Variants in SLC23A2 observed in about 807,000 individuals in gnomAD.
SLC23A2 encodes solute carrier family 23 member 2, also known as Na(+)/L-ascorbic acid transporter 2.
A neutral mutation model predicts 73.3 loss-of-function variants in SLC23A2; 36 were observed. The ratio of observed to expected loss-of-function variants is 0.49; its 90% CI spans 0.38 to 0.65. The LOEUF (loss-of-function observed/expected upper bound fraction) is 0.65. SLC23A2 is among the 30% of genes least tolerant of loss of function. The pLI is 0.00. For synonymous variants in SLC23A2, 343 were observed against 327.3 expected (o/e 1.05, Z -0.52); for missense variants, 507 against 841.6 (o/e 0.60, Z 4.92).
chr20:4,900,238 T>C (rs1931696209), intron 5 of SLC23A2, among the ~76,000 whole-genome samples: 2 of 152,254 alleles, frequency 1.3e-5, no homozygotes, highest in Non-Finnish European at 2.9e-5. Flanking sequence ...ATTACTTGGA[T>C]GAATCCATGC....
chr20:4,956,028 C>T (rs2087283218), intron 2 of SLC23A2, among the ~76,000 whole-genome samples: 1 of 151,982 alleles, frequency 6.6e-6, no homozygotes, highest in African/African-American at 2.4e-5. Context: ...TTAGAAAACT[C>T]AGGGCAGAAA....
In SLC23A2 at chr20:4,856,694, CCA is replaced by C. The variant is rs903828044; in HGVS notation, c.*276_*277del. 11 of 356,976 alleles carry C rather than the reference CCA, an allele frequency of 3.1e-5. No individual in the cohort carries two copies. In the Admixed American group the frequency reaches 3.6e-4, roughly 12 times the overall value. 22.1% of individuals were successfully genotyped at this position (356,976 alleles called of 1,614,324 possible). A position where few individuals can be genotyped will look rare whatever the true frequency, so the allele number is the denominator to read the frequency against. On this transcript the variant is annotated 3_prime_UTR_variant, in exon 17 of 17. Coordinates refer to ENST00000338244, the MANE Select transcript of SLC23A2 (RefSeq NM_005116.6). The surrounding 1 kb of genome is among the most constrained non-coding windows in gnomAD (Gnocchi z 4.6). ...AGGAATGGCTGCAGATTTTAAATGT[CCA>C]CTCCAAAGGGAGGACTGGAACTTCA...
chr20:4,995,075 G>T (rs1040663062), intron 1 of SLC23A2, among the ~76,000 whole-genome samples: 1 of 152,126 alleles, frequency 6.6e-6, no homozygotes, highest in Non-Finnish European at 1.5e-5. Context: ...ATGAAATGAT[G>T]GTCCAAAATG....
chr20:4,929,962 C>G (rs1352239401), intron 3 of SLC23A2, among the ~76,000 whole-genome samples: 1 of 152,106 alleles, frequency 6.6e-6, no homozygotes, highest in Non-Finnish European at 1.5e-5. Flanking sequence ...AGATGGTGAC[C>G]ATCCACAGAC....
Position 4,874,012 on chromosome 20 carries a change from C to G in SLC23A2, c.1026G>C (p.Lys342Asn). The G allele has an allele frequency of 6.2e-7, 1 of 1,614,168 alleles. No homozygotes were observed. The highest frequency in any genetic ancestry group is 1.1e-5 in the South Asian group (1 of 91,086). The change falls in exon 11 of 17, where the codon AAG becomes AAC. Residue 342 changes from lysine (K) to asparagine (N), a missense_variant. Around this residue, in one of 5 missense-constraint regions of SLC23A2, gnomAD observed 217 missense variants for 398.0 expected, o/e 0.55. Coordinates refer to ENST00000338244, the MANE Select transcript of SLC23A2 (RefSeq NM_005116.6). ...CATCTGTGCGAGCATAGAAGCCATA[C>G]TTTGTGCTGTCGGGAGGGAAGACAT... The part of the protein sequence containing the change: ...VTDVFPPDST[K>N]YGFYARTDAR...
At chr20:4,876,999 T>C (rs1268200464) in intron 9 of SLC23A2, among the ~76,000 whole-genome samples, 1 of 152,026 alleles carries the variant, frequency 6.6e-6, no homozygotes, top group African/African-American at 2.4e-5. Flanking sequence ...CTGCTTAGCA[T>C]TCTGTTTTAT....
chr20:4,889,180 G>A (rs1348263158), intron 6 of SLC23A2, among the ~76,000 whole-genome samples: 1 of 152,186 alleles, frequency 6.6e-6, no homozygotes, highest in Non-Finnish European at 1.5e-5. Flanking sequence ...GTGGGACTCT[G>A]CAGGTGCAGT....
At chr20:4,904,573 T>C (rs114134070) in intron 4 of SLC23A2, among the ~76,000 whole-genome samples, 1,752 of 152,354 alleles carry the variant, frequency 0.011, 31 homozygotes, top group African/African-American at 0.039. Flanking sequence ...GGGCACCATT[T>C]TGCTAACGTG....
intron 2 of SLC23A2, among the ~76,000 whole-genome samples, chr20:4,966,527 TA>T (rs2087477957): frequency 1.3e-5 from 2 of 152,064 alleles, no homozygotes; most frequent in African/African-American, 4.8e-5. Context: ...GCTATGAAAA[TA>T]AAAAAGAATG....
chr20:4,986,649 TACACACACACACACACACACACAC>T (rs55738084), intron 1 of SLC23A2, among the ~76,000 whole-genome samples: 1 of 129,734 alleles, frequency 7.7e-6, no homozygotes, highest in Non-Finnish European at 1.6e-5. Context: ...CATACACACA[TACACACACACACACACACACACAC>T]ACACACACAC....
chr20:4,906,482 T>C (rs1931960166), intron 4 of SLC23A2, among the ~76,000 whole-genome samples: 1 of 152,144 alleles, frequency 6.6e-6, no homozygotes, highest in African/African-American at 2.4e-5. Context: ...TGGCTGGGTG[T>C]GGTGGCGTAC....
At chr20:4,875,737 C>T (rs1050103753) in intron 9 of SLC23A2, among the ~76,000 whole-genome samples, 4 of 152,288 alleles carry the variant, frequency 2.6e-5, no homozygotes, top group South Asian at 2.1e-4. Flanking sequence ...TACTCATCAC[C>T]GAAACAAAAC....
At chr20:4,950,324 T>C (rs775991248) in intron 2 of SLC23A2, among the ~76,000 whole-genome samples, 1 of 152,214 alleles carries the variant, frequency 6.6e-6, no homozygotes, top group South Asian at 2.1e-4. Flanking sequence ...TAAGTTTCCA[T>C]TTCCCCAATC....
intron 2 of SLC23A2, among the ~76,000 whole-genome samples, chr20:4,935,404 G>A (rs1438589435): frequency 6.6e-6 from 1 of 152,068 alleles, no homozygotes; most frequent in East Asian, 1.9e-4. Context: ...GCCACTTACA[G>A]GTCCTAATTC....
In SLC23A2 at chr20:4,853,038, C is replaced by G. The variant is rs1301983093; in HGVS notation, c.*3934G>C. The G allele has an allele frequency of 6.6e-6, 1 of 152,346 alleles. No individual in the cohort carries two copies. Among genetic ancestry groups the G allele is most frequent in the South Asian group, 2.1e-4 (1 of 4,836 alleles). The allele number at this position is 152,346 out of a possible 1,614,324, so 9.4% of individuals were successfully genotyped here. A position where few individuals can be genotyped will look rare whatever the true frequency, so the allele number is the denominator to read the frequency against. On this transcript the variant is annotated 3_prime_UTR_variant, in exon 17 of 17. Transcript: ENST00000338244. ...CAGAGGGTGGTCGATGTCCTAGTCC[C>G]TGTGTCTAAAAAGTCATGAGGGGAC...
intron 2 of SLC23A2, among the ~76,000 whole-genome samples, chr20:4,954,712 A>AAG (rs1184360310): frequency 2.6e-5 from 4 of 151,446 alleles, no homozygotes; most frequent in African/African-American, 9.7e-5. Context: ...AAAAAAAAAA[A>AAG]AAAAGAAAGA....
chr20:4,857,283 T>TACACACAC lies in SLC23A2; in HGVS notation c.1721-87_1721-80dup, dbSNP rs398035250. ...GAAAATGAAACTGTCGTCAAACACA[T>TACACACAC]ACACACACACACACACACACACACA... On this transcript the variant is annotated intron_variant, in intron 16 of 16. Coordinates refer to ENST00000338244, the MANE Select transcript of SLC23A2 (RefSeq NM_005116.6). This position sits in a 1 kb window ranked among gnomAD's most constrained non-coding sequence, Gnocchi z 4.0. 674 of 421,062 alleles carry TACACACAC rather than the reference T, an allele frequency of 1.6e-3. 6 individuals carry two copies. Among genetic ancestry groups the TACACACAC allele is most frequent in the Admixed American group, 5.2e-3 (130 of 24,806 alleles). 26.1% of individuals were successfully genotyped at this position (421,062 alleles called of 1,614,324 possible). A position where few individuals can be genotyped will look rare whatever the true frequency, so the allele number is the denominator to read the frequency against.
At chr20:4,982,702 T>C (rs72550898) in intron 1 of SLC23A2, among the ~76,000 whole-genome samples, 2,732 of 152,194 alleles carry the variant, frequency 0.018, 80 homozygotes, top group African/African-American at 0.061. Context: ...CAGAATACAA[T>C]TGAGAATCCA....
Position 4,857,136 on chromosome 20 carries a change from C to A in SLC23A2, c.1789G>T (p.Gly597Cys), listed in dbSNP as rs761611509. ...AATGGCAAATTGTACGACTCCATGC[C>A]GTCGAGTGATTTGTTCCCTTTGCCC... ...GVGKGNKSLD[G>C]MESYNLPFGM... is the part of the protein sequence containing the mutation. Residue 597 changes from glycine (G) to cysteine (C), a missense_variant, in exon 17 of 17, where the codon GGC becomes TGC. This residue lies in a region of SLC23A2 where 168 missense variants were observed against 302.3 expected (regional missense o/e 0.56). Coordinates refer to ENST00000338244, the MANE Select transcript of SLC23A2 (RefSeq NM_005116.6). This position sits in a 1 kb window ranked among gnomAD's most constrained non-coding sequence, Gnocchi z 4.0. The A allele has an allele frequency of 5.0e-6, 8 of 1,614,066 alleles. No individual in the cohort carries two copies. The highest frequency in any genetic ancestry group is 6.8e-6 in the Non-Finnish European group (8 of 1,179,946).
Sources: allele counts gnomAD v4.1 joint callset (sites outside exome capture counted in the v4.1 genomes callset), GRCh38; gene constraint gnomAD v4.1.1; regional missense constraint gnomAD v4.1.1; non-coding constraint Gnocchi (gnomAD v3.1); transcripts MANE v1.5; gene names NCBI Gene and HGNC (gene_info 2026-07-23, HGNC 2026-07-21).